Variants in WHRN observed in about 807,000 individuals in gnomAD.
The protein encoded by WHRN is whirlin, also known as CASK-interacting protein CIP98.
WHRN carries 41 observed loss-of-function variants against 68.3 expected under a neutral mutation model. The observed-to-expected ratio is 0.60, with a 90% confidence interval of 0.47 to 0.78. The LOEUF is 0.78. Among genes scored for constraint, WHRN ranks in the 30% least tolerant of loss-of-function variants. WHRN has a pLI of 0.00. For missense variants in WHRN, 1,243 were observed against 1,244.7 expected (o/e 1.00, Z 0.02); for synonymous variants, 560 against 561.3 (o/e 1.00, Z 0.03).
At chr9:114,456,459 T>C (rs1839807645) in intron 3 of WHRN, among the ~76,000 whole-genome samples, 1 of 152,154 alleles carries the variant, frequency 6.6e-6, no homozygotes, top group Non-Finnish European at 1.5e-5. Context: ...CAACCGATCT[T>C]ATAAGACAGA....
chr9:114,478,217 G>T, intron 2 of WHRN: 2 of 630,200 alleles, frequency 3.2e-6, no homozygotes, highest in South Asian at 3.9e-5. Context: ...GAACCCTGGA[G>T]GCAGAGGTTG....
chr9:114,491,063 C>T (rs1452697848), intron 1 of WHRN, among the ~76,000 whole-genome samples: 2 of 152,116 alleles, frequency 1.3e-5, no homozygotes, highest in African/African-American at 4.8e-5. Flanking sequence ...TCAAGATGAG[C>T]CCCAATGGGT....
chr9:114,499,443 T>C (rs968731838), intron 1 of WHRN, among the ~76,000 whole-genome samples: 2 of 152,236 alleles, frequency 1.3e-5, no homozygotes, highest in African/African-American at 2.4e-5. Context: ...CCATTTAATG[T>C]CATTCTTTCC....
At chr9:114,422,138 C>T (rs1836344530) in intron 7 of WHRN, among the ~76,000 whole-genome samples, 1 of 152,186 alleles carries the variant, frequency 6.6e-6, no homozygotes, top group Non-Finnish European at 1.5e-5. Context: ...TGAGCTCCTG[C>T]TCTCCCACTT....
In WHRN at chr9:114,490,293, C is replaced by T. The variant is rs185204338; in HGVS notation, c.619-11522G>A. Among the ~76,000 whole-genome samples, 371 of 152,200 alleles carry T rather than the reference C, an allele frequency of 2.4e-3. 2 individuals are homozygous for T. Among genetic ancestry groups the T allele is most frequent in the Non-Finnish European group, 3.8e-3 (259 of 68,006 alleles). On this transcript the variant is annotated intron_variant, in intron 1 of 11. Transcript: ENST00000362057. ...AAGAAATGCAAGGAAGCAGGTGATT[C>T]GACAATTGAGGAAATGTGAATACAC...
In WHRN at chr9:114,403,282, G is replaced by A. The variant is rs560829513; in HGVS notation, c.2476C>T (p.Leu826=). 2.4e-5 allele frequency: 38 copies of A among 1,614,174 alleles called. 1 individual carries two copies. The South Asian group carries it at 3.8e-4, about 16-fold the overall frequency. The part of the protein sequence containing the change: ...LVRVKKSAAT[L]GIAIEGGANT... ...GCGCCACCCTCGATGGCGATGCCCAGGGTGGCCGCACTTTTCTTCACACGG... is the reference window on the plus strand; with the variant it reads ...GCGCCACCCTCGATGGCGATGCCCAAGGTGGCCGCACTTTTCTTCACACGG... Residue 826 remains leucine (L), a synonymous_variant, in exon 11 of 12, where the codon CTG becomes TTG. Transcript: ENST00000362057.
chr9:114,420,216 CT>C (rs1206975811), intron 7 of WHRN, among the ~76,000 whole-genome samples: 1 of 152,188 alleles, frequency 6.6e-6, no homozygotes, highest in Non-Finnish European at 1.5e-5. Context: ...AACCCCTTTT[CT>C]ATTTACCTTG....
intron 3 of WHRN, among the ~76,000 whole-genome samples, chr9:114,427,159 G>A (rs928705627): frequency 3.3e-5 from 5 of 152,186 alleles, no homozygotes; most frequent in Non-Finnish European, 5.9e-5. Context: ...TTGGGAGTCC[G>A]AGGCAGGAGG....
In WHRN at chr9:114,504,622, G is replaced by A. The variant is rs2133481932; in HGVS notation, c.180C>T (p.His60=). 6.2e-7 allele frequency: 1 copy of A among 1,610,336 alleles called. No individual in the cohort carries two copies. Residue 60 remains histidine (H), a synonymous_variant, in exon 1 of 12, where the codon CAC becomes CAT. Transcript: ENST00000362057. ...LSEAEREQFT[H]CLNAYHARRN... is the part of the protein sequence containing the mutation. ...GGCGCGCGTGGTAAGCGTTCAGGCA[G>A]TGGGTGAACTGCTCCCGCTCCGCCT...
chr9:114,427,688 C>G (rs1447875889), intron 3 of WHRN, among the ~76,000 whole-genome samples: 3 of 152,218 alleles, frequency 2.0e-5, no homozygotes, highest in African/African-American at 7.2e-5. Context: ...AGTTCCCCGG[C>G]TTTTCTTGAA....
intron 1 of WHRN, among the ~76,000 whole-genome samples, chr9:114,495,999 T>C (rs576498663): frequency 6.6e-6 from 1 of 152,350 alleles, no homozygotes; most frequent in East Asian, 1.9e-4. Context: ...AACCTCTTAA[T>C]GAGACTTTGT....
chr9:114,493,811 G>A (rs1266247359), intron 1 of WHRN, among the ~76,000 whole-genome samples: 40 of 152,342 alleles, frequency 2.6e-4, no homozygotes. Context: ...GGGAGAACAG[G>A]GAAGCTGCAG....
chr9:114,453,344 G>T (rs1228132631), intron 3 of WHRN, among the ~76,000 whole-genome samples: 3 of 152,188 alleles, frequency 2.0e-5, no homozygotes, highest in Non-Finnish European at 4.4e-5. Context: ...CCTTCATGAA[G>T]GGTCCACCCC....
intron 2 of WHRN, among the ~76,000 whole-genome samples, chr9:114,473,538 T>A (rs924905348): frequency 6.6e-6 from 1 of 152,204 alleles, no homozygotes; most frequent in Non-Finnish European, 1.5e-5. Flanking sequence ...ATCGGAATAA[T>A]GACACTATCT....
At chr9:114,469,964 C>A (rs1163734567) in intron 2 of WHRN, among the ~76,000 whole-genome samples, 1 of 152,232 alleles carries the variant, frequency 6.6e-6, no homozygotes, top group African/African-American at 2.4e-5. Context: ...TTGCTCTCTG[C>A]TTTTTGCATC....
chr9:114,479,107 A>G (rs1841898370), intron 1 of WHRN, among the ~76,000 whole-genome samples: 1 of 152,170 alleles, frequency 6.6e-6, no homozygotes, highest in Non-Finnish European at 1.5e-5. Flanking sequence ...GGATTTGGGG[A>G]GTGTCCCACC....
At chr9:114,482,053 C>A (rs928437364) in intron 1 of WHRN, among the ~76,000 whole-genome samples, 1 of 152,100 alleles carries the variant, frequency 6.6e-6, no homozygotes, top group African/African-American at 2.4e-5. Context: ...CATTGTCCTG[C>A]GCACAGTAGG....
intron 7 of WHRN, among the ~76,000 whole-genome samples, chr9:114,410,469 C>G (rs1011123051): frequency 2.0e-5 from 3 of 152,212 alleles, no homozygotes; most frequent in Non-Finnish European, 4.4e-5. Flanking sequence ...GGGGGTGGTG[C>G]TGCAGGTCAC....
chr9:114,504,121 CTGAAA>C (rs1370800035), intron 1 of WHRN, 58 bp downstream of exon 1: 52 of 1,610,846 alleles, frequency 3.2e-5, no homozygotes, highest in African/African-American at 5.3e-5. Context: ...CATGGAGTTA[CTGAAA>C]AAGCTGTGCC....
Sources: allele counts gnomAD v4.1 joint callset (sites outside exome capture counted in the v4.1 genomes callset), GRCh38; gene constraint gnomAD v4.1.1; transcripts MANE v1.5; gene names NCBI Gene and HGNC (gene_info 2026-07-23, HGNC 2026-07-21).